Variants in TRIM61 observed in about 807,000 individuals in gnomAD.
The protein encoded by TRIM61 is putative tripartite motif-containing protein 61.
TRIM61 carries 1 observed loss-of-function variant against 14.2 expected under a neutral mutation model. That is an observed-to-expected ratio of 0.07 (90% CI 0.03 to 0.33). The LOEUF (loss-of-function observed/expected upper bound fraction) is 0.33, where lower values mean the gene tolerates loss of function less well. TRIM61 is among the 10% of genes least tolerant of loss of function. The pLI, the probability that TRIM61 is intolerant of heterozygous loss-of-function variation, is 0.99. For synonymous variants in TRIM61, 8 were observed against 71.6 expected (o/e 0.11, Z 4.49); for missense variants, 19 against 202.2 (o/e 0.09, Z 5.49).
chr4:164,970,402 C>T (rs181222113), intron 2 of TRIM61, 63 bp from the exon 3 acceptor site: 2 of 184,968 alleles, frequency 1.1e-5, no homozygotes, highest in Admixed American at 5.3e-5. Flanking sequence ...AACGTTCACA[C>T]AAGAATCATC....
rs905997572 is a variant in TRIM61, at chr4:164,977,621, G to C, written c.-566C>G. ...AGGACTCATACCCCAACCCCACCAA[G>C]TGGGCTGCTTCCTGCCTGGGGCTCA... is the stretch of plus-strand genomic sequence containing the variant. On this transcript the variant is annotated 5_prime_UTR_variant, in exon 1 of 5. Transcript: ENST00000329314. The C allele has an allele frequency of 3.9e-5, 6 of 152,196 alleles. No homozygotes were observed. Among genetic ancestry groups the C allele is most frequent in the Non-Finnish European group, 8.8e-5 (6 of 68,084 alleles). The allele number at this position is 152,196 out of a possible 1,614,324, so 9.4% of individuals were successfully genotyped here. A position where few individuals can be genotyped will look rare whatever the true frequency, so the allele number is the denominator to read the frequency against.
In TRIM61 at chr4:164,970,062, T is replaced by C. The variant is rs201160598; in HGVS notation, c.-60A>G. 0.19 allele frequency: 291,903 copies of C among 1,539,304 alleles called. 1 individual carries two copies. Among genetic ancestry groups the C allele is most frequent in the Admixed American group, 0.25 (13,758 of 55,930 alleles). On this transcript the variant is annotated 5_prime_UTR_variant, in exon 3 of 5. Transcript: ENST00000329314. Reference sequence around the variant, plus strand: ...CTTTTATTTTAGCAAGGCCTAGCTCTCTAGAGCTCAAGACCCAGTACACAG... The same window carrying C: ...CTTTTATTTTAGCAAGGCCTAGCTCCCTAGAGCTCAAGACCCAGTACACAG...
intron 3 of TRIM61, chr4:164,968,693 A>C: frequency 1.0e-6 from 1 of 984,620 alleles, no homozygotes; most frequent in Non-Finnish European, 1.2e-6. Flanking sequence ...AGTATAGAGA[A>C]GAGATCTATC....
At chr4:164,972,525 G>A (rs1732392900) in intron 2 of TRIM61, among the ~76,000 whole-genome samples, 2 of 152,112 alleles carry the variant, frequency 1.3e-5, no homozygotes, top group South Asian at 4.1e-4. Flanking sequence ...GCCTTGTTCT[G>A]TGGCCCAGGC....
At chr4:164,973,700 C>T (rs1732421766) in intron 2 of TRIM61, among the ~76,000 whole-genome samples, 2 of 152,310 alleles carry the variant, frequency 1.3e-5, no homozygotes, top group Admixed American at 6.5e-5. Context: ...ACACCTGTCA[C>T]AGTCCTTGGC....
chr4:164,968,880 T>C (rs911908115), intron 3 of TRIM61: 3 of 988,692 alleles, frequency 3.0e-6, no homozygotes, highest in Non-Finnish European at 1.2e-6. Flanking sequence ...TGACTCTTCC[T>C]CCTTCTGGGA....
intron 3 of TRIM61, among the ~76,000 whole-genome samples, chr4:164,967,337 C>T (rs563507592): frequency 8.5e-5 from 13 of 152,264 alleles, no homozygotes; most frequent in African/African-American, 2.6e-4. Flanking sequence ...ATCAAAAGCT[C>T]GTCTTTTTTG....
intron 3 of TRIM61, chr4:164,969,392 T>C (rs1396106016): frequency 6.3e-7 from 1 of 1,593,506 alleles, no homozygotes; most frequent in Non-Finnish European, 8.5e-7. Flanking sequence ...ATCTTGTAAT[T>C]GCCTAAGAAC....
chr4:164,963,157 G>A (rs1732171921), intron 3 of TRIM61, among the ~76,000 whole-genome samples: 1 of 151,972 alleles, frequency 6.6e-6, no homozygotes, highest in Non-Finnish European at 1.5e-5. Context: ...GAGGCAGAGA[G>A]TAGGAGTTTG....
chr4:164,969,128 C>T (rs533815911), intron 3 of TRIM61: 6 of 1,114,416 alleles, frequency 5.4e-6, no homozygotes, highest in South Asian at 5.0e-5. Context: ...TACTTGAAAT[C>T]GCTTGATAAT....
At chr4:164,957,434 A>T (rs1207663781) in intron 3 of TRIM61, 1 of 1,613,896 alleles carries the variant, frequency 6.2e-7, no homozygotes, top group Non-Finnish European at 8.5e-7. Flanking sequence ...TCTTTTTGTG[A>T]CAAGGACTAG....
intron 3 of TRIM61, chr4:164,958,335 G>A (rs537356988): frequency 6.0e-6 from 1 of 167,144 alleles, no homozygotes; most frequent in Non-Finnish European, 1.5e-5. Flanking sequence ...CAATGAAGGG[G>A]ATGAGGTTTA....
chr4:164,960,161 G>A (rs1239496220), intron 3 of TRIM61, among the ~76,000 whole-genome samples: 1 of 152,130 alleles, frequency 6.6e-6, no homozygotes, highest in East Asian at 1.9e-4. Flanking sequence ...TGGAGGCATG[G>A]AAGAAATTCT....
intron 2 of TRIM61, among the ~76,000 whole-genome samples, chr4:164,971,057 C>T (rs1732353453): frequency 6.6e-6 from 1 of 151,900 alleles, no homozygotes; most frequent in South Asian, 2.1e-4. Context: ...GCTGAGATTG[C>T]AGCACGGCAC....
Position 164,957,105 on chromosome 4 carries a change from C to A in TRIM61, c.526-2009G>T, listed in dbSNP as rs749518498. 1.5e-4 allele frequency: 237 copies of A among 1,576,790 alleles called. 1 individual carries two copies. The highest frequency in any genetic ancestry group is 2.0e-4 in the Non-Finnish European group (228 of 1,161,186). ...TGGAGAGCCAGCCCTGCAGGGTGGG[C>A]TGGGCGAGCCAAACTGCGTTCCTGG... On this transcript the variant is annotated intron_variant, in intron 3 of 4. Coordinates refer to ENST00000329314, the MANE Select transcript of TRIM61 (RefSeq NM_001012414.3).
intron 3 of TRIM61, among the ~76,000 whole-genome samples, chr4:164,965,285 C>A (rs1732213066): frequency 1.1e-4 from 1 of 9,160 alleles, no homozygotes; most frequent in African/African-American, 1.8e-3. Context: ...GAGCCTCCAT[C>A]TCAAAAAAAG....
At chr4:164,960,823 T>C (rs1483340536) in intron 3 of TRIM61, among the ~76,000 whole-genome samples, 1 of 151,878 alleles carries the variant, frequency 6.6e-6, no homozygotes, top group African/African-American at 2.4e-5. Flanking sequence ...TGGTGACACA[T>C]GCCTATAATA....
chr4:164,957,011 G>A (rs1560881529), intron 3 of TRIM61: 2 of 1,488,900 alleles, frequency 1.3e-6, no homozygotes, highest in Admixed American at 2.4e-5. Flanking sequence ...GCAGCGCCAT[G>A]TACCACAGTG....
intron 3 of TRIM61, among the ~76,000 whole-genome samples, chr4:164,967,187 CAT>C (rs530183984): frequency 5.5e-4 from 83 of 152,238 alleles, no homozygotes; most frequent in African/African-American, 1.9e-3. Context: ...TCTGACAAAA[CAT>C]GTTAAATAAC....
Sources: allele counts gnomAD v4.1 joint callset (sites outside exome capture counted in the v4.1 genomes callset), GRCh38; gene constraint gnomAD v4.1.1; transcripts MANE v1.5; gene names NCBI Gene and HGNC (gene_info 2026-07-23, HGNC 2026-07-21).